The following PRSS57 variants were observed in gnomAD, a reference collection of about 807,000 sequenced individuals.
The protein encoded by PRSS57 is neutrophil serine protease 4.
A neutral mutation model predicts 20.6 loss-of-function variants in PRSS57; 19 were observed. The observed-to-expected ratio is 0.92, with a 90% CI of 0.64 to 1.35. PRSS57 has a LOEUF of 1.35. PRSS57 is among the 40% of genes most tolerant of loss of function. PRSS57 has a pLI of 0.00. For synonymous variants in PRSS57, 203 were observed against 176.6 expected (o/e 1.15, Z -1.19); for missense variants, 440 against 403.7 (o/e 1.09, Z -0.77).
chr19:690,927 G>T (rs559456708), intron 3 of PRSS57: 5 of 461,578 alleles, frequency 1.1e-5, no homozygotes, highest in South Asian at 1.8e-5. Context: ...TCGTCTGGGC[G>T]CCTGTGCTCA....
chr19:686,859 C>G (rs574226056), intron 4 of PRSS57, 66 bp downstream of exon 4: 1 of 1,554,136 alleles, frequency 6.4e-7, no homozygotes, highest in East Asian at 2.3e-5. Flanking sequence ...CTTCCTGGCC[C>G]TGACCCTCTC....
At position 695,352 on chromosome 19, in the gene PRSS57, CG is replaced by C; in HGVS notation, c.78del (p.Gly27AlafsTer13). 7 of 1,269,606 alleles carry C rather than the reference CG, an allele frequency of 5.5e-6. No homozygotes were observed. Among genetic ancestry groups the C allele is most frequent in the Admixed American group, 3.7e-5 (1 of 26,990 alleles). The allele number at this position is 1,269,606 out of a possible 1,614,324, so 78.6% of individuals were successfully genotyped here. A position where few individuals can be genotyped will look rare whatever the true frequency, so the allele number is the denominator to read the frequency against. ...GTGGGGATCCCGGGGGGCTCCTCAC[CG>C]GGGGGCTTCACGGGCAGCATCAGGG... ...ATALMLPVKP[P>X]GSWGAQIIGG... On this transcript the variant is annotated frameshift_variant and splice_region_variant, in exon 1 of 5. Transcript: ENST00000329267. LOFTEE classifies it high-confidence loss of function.
At chr19:693,511 G>A (rs2031708747) in intron 2 of PRSS57, among the ~76,000 whole-genome samples, 1 of 152,008 alleles carries the variant, frequency 6.6e-6, no homozygotes, top group Non-Finnish European at 1.5e-5. Flanking sequence ...CCGGCCCCGT[G>A]ATAATATTAG....
intron 2 of PRSS57, among the ~76,000 whole-genome samples, chr19:693,407 A>C (rs1409963855): frequency 6.7e-6 from 1 of 149,836 alleles, no homozygotes; most frequent in Non-Finnish European, 1.5e-5. Flanking sequence ...TGCGGGGAGG[A>C]GGGGGTGGGT....
At chr19:689,977 C>G (rs10418290) in intron 3 of PRSS57, among the ~76,000 whole-genome samples, 1 of 149,602 alleles carries the variant, frequency 6.7e-6, no homozygotes, top group African/African-American at 2.5e-5. Flanking sequence ...CGCTTGAACC[C>G]GGGAGATGGA....
intron 2 of PRSS57, among the ~76,000 whole-genome samples, chr19:692,858 A>G (rs911579378): frequency 6.6e-6 from 1 of 151,988 alleles, no homozygotes; most frequent in Non-Finnish European, 1.5e-5. Flanking sequence ...AATACTTATT[A>G]TATTTATTAT....
At chr19:694,172 G>C (rs191455206) in intron 2 of PRSS57, among the ~76,000 whole-genome samples, 1,660 of 152,212 alleles carry the variant, frequency 0.011, 31 homozygotes, top group African/African-American at 0.038. Flanking sequence ...TGGGGACACT[G>C]CAGCCCAGGA....
chr19:687,241 C>T, intron 3 of PRSS57, 53 bp from the exon 4 acceptor site: 1 of 1,441,408 alleles, frequency 6.9e-7, no homozygotes, highest in South Asian at 1.5e-5. Context: ...ACCCCCGCTC[C>T]TGCCTCAGTT....
At chr19:693,413 T>C (rs1377205369) in intron 2 of PRSS57, among the ~76,000 whole-genome samples, 2 of 150,004 alleles carry the variant, frequency 1.3e-5, no homozygotes, top group Non-Finnish European at 3.0e-5. Flanking sequence ...GAGGAGGGGG[T>C]GGGTGAGATG....
intron 2 of PRSS57, among the ~76,000 whole-genome samples, chr19:692,966 C>T (rs1189804975): frequency 6.6e-6 from 1 of 150,518 alleles, no homozygotes; most frequent in Non-Finnish European, 1.5e-5. Context: ...CTCGCTCTGT[C>T]ACCCAGGCAA....
chr19:689,673 C>T lies in PRSS57; in HGVS notation c.378+2185G>A, dbSNP rs1165984670. 2.6e-5 allele frequency among the ~76,000 whole-genome samples: 4 copies of T among 152,154 alleles called. No individual in the cohort carries two copies. The East Asian group carries it at 7.7e-4, about 29-fold the overall frequency. On this transcript the variant is annotated intron_variant, in intron 3 of 4. Transcript: ENST00000329267. ...GCAGCTCAGGTTTGTAATCCCAGCACTTTGCGGGGCTGAGGCAGGAGGATT... is the reference window on the plus strand; with the variant it reads ...GCAGCTCAGGTTTGTAATCCCAGCATTTTGCGGGGCTGAGGCAGGAGGATT...
chr19:686,492 G>A (rs142233927), intron 4 of PRSS57, among the ~76,000 whole-genome samples: 3 of 152,166 alleles, frequency 2.0e-5, no homozygotes, highest in East Asian at 1.9e-4. Context: ...GTCACGCATC[G>A]GGAAAGTGGA....
chr19:688,664 T>A (rs2031545436), intron 3 of PRSS57, among the ~76,000 whole-genome samples: 1 of 148,736 alleles, frequency 6.7e-6, no homozygotes, highest in Non-Finnish European at 1.5e-5. Context: ...AGTGGCACGA[T>A]CTCGGCTCAC....
At chr19:693,409 G>T (rs989883348) in intron 2 of PRSS57, among the ~76,000 whole-genome samples, 6 of 151,896 alleles carry the variant, frequency 4.0e-5, no homozygotes, top group Admixed American at 3.3e-4. Flanking sequence ...CGGGGAGGAG[G>T]GGGTGGGTGA....
At chr19:694,121 C>G (rs62131273) in intron 2 of PRSS57, among the ~76,000 whole-genome samples, 20,434 of 151,714 alleles carry the variant, frequency 0.13, 1,561 homozygotes, top group Non-Finnish European at 0.16. Context: ...AACAATCCAC[C>G]GTGTCCCAAC....
chr19:686,986 T>A lies in PRSS57; in HGVS notation c.581A>T (p.His194Leu), dbSNP rs776570000. ...PDVCNSSWKG[H>L]LTLTMLCTRS... ...GGTGCAGAGCATGGTAAGTGTCAGG[T>A]GGCCCTTCCAGGAGCTGTTGCAGAC... The change falls in exon 4 of 5, where the codon CAC (histidine) becomes CTC (leucine). Residue 194 changes from histidine to leucine, a missense_variant. Transcript: ENST00000329267. The A allele has an allele frequency of 6.2e-7, 1 of 1,614,076 alleles. No homozygotes were observed. Among genetic ancestry groups the A allele is most frequent in the Non-Finnish European group, 8.5e-7 (1 of 1,180,030 alleles).
intron 2 of PRSS57, among the ~76,000 whole-genome samples, chr19:694,021 T>A (rs2031721488): frequency 6.6e-6 from 1 of 151,920 alleles, no homozygotes; most frequent in African/African-American, 2.4e-5. Flanking sequence ...ATTACAGGCA[T>A]GAGCCACCGC....
chr19:686,402 C>G (rs188605841), intron 4 of PRSS57, among the ~76,000 whole-genome samples: 21 of 152,070 alleles, frequency 1.4e-4, no homozygotes, highest in Admixed American at 1.4e-3. Flanking sequence ...CGCTCTGATA[C>G]CATCAACTGG....
At chr19:690,312 A>AAC (rs988060420) in intron 3 of PRSS57, 1 of 152,482 alleles carries the variant, frequency 6.6e-6, no homozygotes, top group Non-Finnish European at 1.5e-5. Flanking sequence ...ACTGTCTGAA[A>AAC]AAAAAAAAAA....
Sources: allele counts gnomAD v4.1 joint callset (sites outside exome capture counted in the v4.1 genomes callset), GRCh38; gene constraint gnomAD v4.1.1; transcripts MANE v1.5; gene names NCBI Gene and HGNC (gene_info 2026-07-23, HGNC 2026-07-21).